Variants in ASTN2 observed in about 807,000 individuals in gnomAD.
ASTN2 encodes astrotactin 2, also known as astrotactin-2.
ASTN2 carries 54 observed loss-of-function variants against 139.8 expected under a neutral mutation model. The observed-to-expected ratio is 0.39, with a 90% confidence interval of 0.31 to 0.48. The LOEUF (loss-of-function observed/expected upper bound fraction) is 0.48, where lower values mean the gene tolerates loss of function less well. Among genes scored for constraint, ASTN2 ranks in the 20% least tolerant of loss-of-function variants. The pLI, the probability that ASTN2 is intolerant of heterozygous loss-of-function variation, is 0.95. For missense variants in ASTN2, 1,565 were observed against 1,725.1 expected (o/e 0.91, Z 1.64); for synonymous variants, 756 against 719.5 (o/e 1.05, Z -0.81).
At chr9:116,929,773 C>T (rs1834849413) in intron 10 of ASTN2, among the ~76,000 whole-genome samples, 1 of 152,178 alleles carries the variant, frequency 6.6e-6, no homozygotes, top group Admixed American at 6.5e-5. Context: ...AATTTTTCCC[C>T]TTCTATTTCT....
At chr9:117,180,627 CTTTT>C (rs372662181) in intron 3 of ASTN2, 2,569 of 930,172 alleles carry the variant, frequency 2.8e-3, no homozygotes, top group Non-Finnish European at 3.0e-3. Context: ...TCTGGAGTAT[CTTTT>C]TTTTTTTTTT....
chr9:117,358,248 G>A (rs1056711589), intron 1 of ASTN2, among the ~76,000 whole-genome samples: 3 of 138,782 alleles, frequency 2.2e-5, no homozygotes, highest in Non-Finnish European at 4.6e-5. Flanking sequence ...TAATACATAT[G>A]CATACATGTG....
intron 1 of ASTN2, among the ~76,000 whole-genome samples, chr9:117,389,214 G>T (rs1830482630): frequency 6.6e-6 from 1 of 152,176 alleles, no homozygotes. Context: ...CAAGAGGGGA[G>T]AAAGGGCTTT....
At chr9:117,130,648 A>G (rs957618282) in intron 4 of ASTN2, among the ~76,000 whole-genome samples, 1 of 152,218 alleles carries the variant, frequency 6.6e-6, no homozygotes, top group Non-Finnish European at 1.5e-5. Context: ...TGGAACAGGA[A>G]GAAGGCTCAT....
intron 16 of ASTN2, among the ~76,000 whole-genome samples, chr9:116,679,449 T>C (rs1359336609): frequency 6.6e-6 from 1 of 152,148 alleles, no homozygotes. Context: ...TGTTCCGAAA[T>C]TATGTAAAAC....
chr9:117,229,190 C>A (rs1832810299), intron 2 of ASTN2, among the ~76,000 whole-genome samples: 1 of 152,132 alleles, frequency 6.6e-6, no homozygotes, highest in African/African-American at 2.4e-5. Flanking sequence ...GCAGGGGAAT[C>A]TGGTAGACCA....
rs891773152 is a variant in ASTN2, at chr9:116,468,575, A to C, written c.3497+18784T>G. Among the ~76,000 whole-genome samples the C allele has an allele frequency of 2.0e-5, 3 of 152,130 alleles. 1 individual carries two copies. Among genetic ancestry groups the C allele is most frequent in the South Asian group, 4.1e-4 (2 of 4,826 alleles). On this transcript the variant is annotated intron_variant, in intron 20 of 22. Transcript: ENST00000313400. ...CCAACTCTTGCCTACACTAGCCCTC[A>C]CTGGCTCTCATCCAGGCTTTGGGAA...
intron 6 of ASTN2, among the ~76,000 whole-genome samples, chr9:117,022,470 C>CA (rs1347834039): frequency 9.8e-4 from 147 of 149,760 alleles, no homozygotes; most frequent in Middle Eastern, 3.4e-3. Flanking sequence ...AAACAAAAAA[C>CA]AAAAAAACAA....
intron 19 of ASTN2, among the ~76,000 whole-genome samples, chr9:116,544,393 A>G (rs2119367183): frequency 6.6e-6 from 1 of 152,272 alleles, no homozygotes; most frequent in South Asian, 2.1e-4. Context: ...ATCGAAAATC[A>G]CCATTCACAA....
intron 2 of ASTN2, among the ~76,000 whole-genome samples, chr9:117,276,289 C>G (rs2133133940): frequency 6.6e-6 from 1 of 152,306 alleles, no homozygotes; most frequent in Non-Finnish European, 1.5e-5. Context: ...CCCAAGATCA[C>G]ACGGTTATCA....
chr9:116,903,755 A>T (rs1019515485), intron 10 of ASTN2, among the ~76,000 whole-genome samples: 2 of 152,186 alleles, frequency 1.3e-5, no homozygotes, highest in Admixed American at 6.5e-5. Flanking sequence ...CTGTATTAAT[A>T]GTTTGACATT....
At chr9:116,504,895 CAA>C (rs386416022) in intron 19 of ASTN2, among the ~76,000 whole-genome samples, 11 of 91,756 alleles carry the variant, frequency 1.2e-4, no homozygotes, top group Middle Eastern at 6.2e-3. Context: ...AATCCTGTCT[CAA>C]AAAAAAAAAA....
At chr9:117,401,528 G>A (rs1248756122) in intron 1 of ASTN2, among the ~76,000 whole-genome samples, 7 of 152,186 alleles carry the variant, frequency 4.6e-5, no homozygotes, top group Admixed American at 2.0e-4. Flanking sequence ...AGAAACAATT[G>A]CAGGTCGTAA....
intron 2 of ASTN2, among the ~76,000 whole-genome samples, chr9:117,220,786 G>T (rs763278210): frequency 1.3e-5 from 2 of 152,176 alleles, no homozygotes; most frequent in Non-Finnish European, 2.9e-5. Context: ...CACTCAGTGT[G>T]CAGTAATTTA....
chr9:117,218,519 C>T (rs536381208), intron 2 of ASTN2, among the ~76,000 whole-genome samples: 2 of 152,300 alleles, frequency 1.3e-5, no homozygotes, highest in South Asian at 4.1e-4. Flanking sequence ...ACTCAGGAGG[C>T]ATCATCTAAA....
chr9:116,614,553 C>T (rs1855737387), intron 19 of ASTN2, among the ~76,000 whole-genome samples: 1 of 152,008 alleles, frequency 6.6e-6, no homozygotes, highest in Non-Finnish European at 1.5e-5. Context: ...CAATAGAGCC[C>T]CCGGAAACAA....
At chr9:116,748,953 T>C (rs1404201723) in intron 13 of ASTN2, among the ~76,000 whole-genome samples, 3 of 152,178 alleles carry the variant, frequency 2.0e-5, no homozygotes, top group African/African-American at 7.2e-5. Context: ...CCTATTCTCA[T>C]GGACACCTTA....
chr9:116,842,725 A>G (rs933782689), intron 11 of ASTN2, among the ~76,000 whole-genome samples: 10 of 129,902 alleles, frequency 7.7e-5, no homozygotes, highest in Non-Finnish European at 1.7e-4. Flanking sequence ...ACAAGGAGGG[A>G]AGCGGCGAGG....
At chr9:116,962,312 C>G (rs1364710892) in intron 10 of ASTN2, among the ~76,000 whole-genome samples, 2 of 152,220 alleles carry the variant, frequency 1.3e-5, no homozygotes, top group African/African-American at 4.8e-5. Flanking sequence ...AAACAGGGAG[C>G]TCAGAGGTTG....
Sources: allele counts gnomAD v4.1 joint callset (sites outside exome capture counted in the v4.1 genomes callset), GRCh38; gene constraint gnomAD v4.1.1; transcripts MANE v1.5; gene names NCBI Gene and HGNC (gene_info 2026-07-23, HGNC 2026-07-21).